The following AUTS2 variants were observed in gnomAD, a reference collection of about 807,000 sequenced individuals.
AUTS2 encodes activator of transcription and developmental regulator AUTS2, also known as autism susceptibility gene 2 protein.
AUTS2 carries 17 observed loss-of-function variants against 112.4 expected under a neutral mutation model. The ratio of observed to expected loss-of-function variants is 0.15; its 90% CI spans 0.10 to 0.23. The LOEUF (loss-of-function observed/expected upper bound fraction) is 0.23. Among genes scored for constraint, AUTS2 ranks in the 10% least tolerant of loss-of-function variants. The pLI is 1.00. For synonymous variants in AUTS2, 751 were observed against 702.7 expected (o/e 1.07, Z -1.09); for missense variants, 1,510 against 1,701.6 (o/e 0.89, Z 1.98).
At chr7:70,204,326 G>A (rs563026595) in intron 4 of AUTS2, among the ~76,000 whole-genome samples, 18 of 152,324 alleles carry the variant, frequency 1.2e-4, no homozygotes, top group African/African-American at 4.1e-4. Flanking sequence ...GATGTTCACA[G>A]TAGAAGTACA....
chr7:70,354,855 T>A lies in AUTS2; in HGVS notation c.661-80897T>A, dbSNP rs190999316. On this transcript the variant is annotated intron_variant, in intron 4 of 18. Coordinates refer to ENST00000342771, the MANE Select transcript of AUTS2 (RefSeq NM_015570.4). Reference sequence around the variant, plus strand: ...CATTGAGTTACAGGAAATATGTTATTAAAATTAACTTTTTGTTTCTTTTTC... The same window carrying A: ...CATTGAGTTACAGGAAATATGTTATAAAAATTAACTTTTTGTTTCTTTTTC... Among the ~76,000 whole-genome samples, 8 of 152,368 alleles carry A rather than the reference T, an allele frequency of 5.3e-5. No homozygotes were observed. In the East Asian group the frequency reaches 1.3e-3, roughly 26 times the overall value.
intron 4 of AUTS2, among the ~76,000 whole-genome samples, chr7:70,213,744 T>A (rs938544757): frequency 6.6e-6 from 1 of 152,164 alleles, no homozygotes; most frequent in African/African-American, 2.4e-5. Context: ...TTAAGGGATC[T>A]TAGGAAGAGG....
intron 1 of AUTS2, among the ~76,000 whole-genome samples, chr7:69,809,731 T>G (rs1192775009): frequency 5.3e-5 from 8 of 152,192 alleles, no homozygotes; most frequent in Non-Finnish European, 8.8e-5. Context: ...CTGGAATGAC[T>G]GTGTGACGGA....
At chr7:70,760,221 G>A (rs554526520) in intron 6 of AUTS2, among the ~76,000 whole-genome samples, 1 of 152,286 alleles carries the variant, frequency 6.6e-6, no homozygotes, top group Admixed American at 6.5e-5. Flanking sequence ...TAGCCAGGAT[G>A]GTCTCGATCT....
intron 14 of AUTS2, among the ~76,000 whole-genome samples, chr7:70,778,494 C>G (rs6959590): frequency 0.66 from 99,961 of 151,462 alleles, 33,400 homozygotes; most frequent in Middle Eastern, 0.81. Flanking sequence ...TCCAGTCACT[C>G]TAGAGGCTGA....
At chr7:70,427,347 A>G (rs1795478637) in intron 4 of AUTS2, among the ~76,000 whole-genome samples, 2 of 152,214 alleles carry the variant, frequency 1.3e-5, no homozygotes, top group Admixed American at 6.5e-5. Context: ...GAGTTTGGCA[A>G]CCACTGAGGT....
At chr7:69,890,128 T>C (rs557921061) in intron 1 of AUTS2, among the ~76,000 whole-genome samples, 3 of 152,212 alleles carry the variant, frequency 2.0e-5, no homozygotes, top group Admixed American at 1.3e-4. Flanking sequence ...CTAAACTGTT[T>C]TAAGCAATAG....
At chr7:69,810,888 A>G (rs1468737298) in intron 1 of AUTS2, among the ~76,000 whole-genome samples, 1 of 152,228 alleles carries the variant, frequency 6.6e-6, no homozygotes, top group African/African-American at 2.4e-5. Flanking sequence ...ACAATATTAT[A>G]CCCCTAATTC....
chr7:69,946,394 A>G (rs1283140576), intron 2 of AUTS2, among the ~76,000 whole-genome samples: 1 of 152,176 alleles, frequency 6.6e-6, no homozygotes, highest in Non-Finnish European at 1.5e-5. Context: ...CGTAGGCTTT[A>G]TCAAATCTGC....
chr7:69,946,555 GATACAC>G, intron 2 of AUTS2, among the ~76,000 whole-genome samples: 1 of 108,212 alleles, frequency 9.2e-6, no homozygotes, highest in Non-Finnish European at 1.9e-5. Context: ...AATGTGATGT[GATACAC>G]ACACACACAC....
At chr7:69,947,329 T>C (rs1211420033) in intron 2 of AUTS2, among the ~76,000 whole-genome samples, 1 of 152,212 alleles carries the variant, frequency 6.6e-6, no homozygotes, top group East Asian at 1.9e-4. Context: ...AGAAAGTTCA[T>C]GTTACACATA....
intron 1 of AUTS2, among the ~76,000 whole-genome samples, chr7:69,836,301 C>G (rs1420560779): frequency 1.3e-5 from 2 of 152,170 alleles, no homozygotes; most frequent in Admixed American, 1.3e-4. Context: ...AGGAATTGCC[C>G]TCTGCCTTGT....
chr7:69,893,675 C>T (rs1469887905), intron 1 of AUTS2, among the ~76,000 whole-genome samples: 1 of 152,166 alleles, frequency 6.6e-6, no homozygotes, highest in Non-Finnish European at 1.5e-5. Context: ...AAGTGATGGA[C>T]TGCCCTCAGG....
intron 1 of AUTS2, among the ~76,000 whole-genome samples, chr7:69,800,610 G>T (rs1477707032): frequency 6.6e-6 from 1 of 152,210 alleles, no homozygotes. Flanking sequence ...TTGGCTTTCA[G>T]AAAGTGTCTG....
At chr7:69,785,357 T>C (rs1026429326) in intron 1 of AUTS2, among the ~76,000 whole-genome samples, 1 of 152,246 alleles carries the variant, frequency 6.6e-6, no homozygotes, top group African/African-American at 2.4e-5. Flanking sequence ...TCTTATGTTG[T>C]AAGGGTCTGC....
intron 1 of AUTS2, among the ~76,000 whole-genome samples, chr7:69,662,018 T>C (rs1296892469): frequency 6.6e-6 from 1 of 152,118 alleles, no homozygotes; most frequent in Non-Finnish European, 1.5e-5. Flanking sequence ...GAGGGTAATT[T>C]TTCTTCTTTA....
intron 2 of AUTS2, among the ~76,000 whole-genome samples, chr7:70,012,343 G>GT (rs1385695974): frequency 6.6e-6 from 1 of 152,170 alleles, no homozygotes; most frequent in Non-Finnish European, 1.5e-5. Context: ...TTAGCTCTCT[G>GT]TAAGAGGCCC....
intron 1 of AUTS2, among the ~76,000 whole-genome samples, chr7:69,654,253 C>G (rs1380429771): frequency 2.0e-5 from 3 of 152,138 alleles, no homozygotes; most frequent in Non-Finnish European, 4.4e-5. Flanking sequence ...CACCTGCAGC[C>G]CCCAGTCTTG....
intron 6 of AUTS2, among the ~76,000 whole-genome samples, chr7:70,758,609 G>A (rs900183661): frequency 2.6e-5 from 4 of 152,142 alleles, no homozygotes; most frequent in African/African-American, 9.7e-5. Context: ...ATAATCACAA[G>A]AAGAGAGAGT....
Sources: allele counts gnomAD v4.1 joint callset (sites outside exome capture counted in the v4.1 genomes callset), GRCh38; gene constraint gnomAD v4.1.1; transcripts MANE v1.5; gene names NCBI Gene and HGNC (gene_info 2026-07-23, HGNC 2026-07-21).